ZNF420: variants seen among roughly 807,000 people sequenced by gnomAD.
ZNF420 encodes the protein zinc finger protein 420, also known as ATM and p53-associated KZNF protein.
ZNF420 carries 31 observed loss-of-function variants against 44.7 expected under a neutral mutation model. That is an observed-to-expected ratio of 0.69 (90% CI 0.52 to 0.94). ZNF420 has a LOEUF of 0.94. ZNF420 is among the 40% of genes least tolerant of loss of function. ZNF420 has a pLI of 0.00. For missense variants in ZNF420, 681 were observed against 827.9 expected (o/e 0.82, Z 2.18); for synonymous variants, 245 against 267.4 (o/e 0.92, Z 0.82).
intron 4 of ZNF420, among the ~76,000 whole-genome samples, chr19:37,125,231 A>G (rs909960645): frequency 2.6e-5 from 4 of 152,178 alleles, no homozygotes; most frequent in Non-Finnish European, 5.9e-5. Flanking sequence ...GAACTCTAGG[A>G]TGTGTTCTTC....
intron 1 of ZNF420, among the ~76,000 whole-genome samples, chr19:37,032,321 ACT>A (rs1011526324): frequency 4.0e-5 from 6 of 148,826 alleles, no homozygotes; most frequent in South Asian, 2.1e-4. Flanking sequence ...ACAGAGCAAG[ACT>A]CTGTTAAAAA....
intron 1 of ZNF420, among the ~76,000 whole-genome samples, chr19:37,018,845 C>T (rs1277922421): frequency 6.6e-6 from 1 of 152,186 alleles, no homozygotes; most frequent in South Asian, 2.1e-4. Context: ...GCTGGGATTA[C>T]AGGCACAAGT....
intron 1 of ZNF420, among the ~76,000 whole-genome samples, chr19:37,022,593 C>T (rs2074657664): frequency 6.6e-6 from 1 of 152,022 alleles, no homozygotes; most frequent in African/African-American, 2.4e-5. Flanking sequence ...ACTAACAATT[C>T]CACAGAAATG....
chr19:37,089,186 T>G, intron 3 of ZNF420, 59 bp downstream of exon 3: 1 of 1,448,690 alleles, frequency 6.9e-7, no homozygotes, highest in Non-Finnish European at 9.7e-7. Flanking sequence ...ATGTGTGTGT[T>G]TGTATTCCTT....
At chr19:37,031,969 C>T (rs1967266725) in intron 1 of ZNF420, among the ~76,000 whole-genome samples, 1 of 151,892 alleles carries the variant, frequency 6.6e-6, no homozygotes, top group Admixed American at 6.6e-5. Flanking sequence ...CTTTGGAAGG[C>T]CGAGGCAGGC....
intron 1 of ZNF420, among the ~76,000 whole-genome samples, chr19:37,013,684 G>T (rs975291285): frequency 6.6e-6 from 1 of 152,136 alleles, no homozygotes; most frequent in Non-Finnish European, 1.5e-5. Context: ...GGCACAGAAC[G>T]GTCCCACGGA....
At chr19:37,085,757 T>C (rs978637763) in intron 2 of ZNF420, among the ~76,000 whole-genome samples, 1 of 151,794 alleles carries the variant, frequency 6.6e-6, no homozygotes, top group African/African-American at 2.4e-5. Context: ...TTCTTCTCTT[T>C]TCTTTTTTTT....
intron 1 of ZNF420, among the ~76,000 whole-genome samples, chr19:37,072,884 G>A (rs1176196322): frequency 2.0e-5 from 3 of 151,692 alleles, no homozygotes; most frequent in Non-Finnish European, 4.4e-5. Context: ...CATTTAAAAG[G>A]TATATGCATT....
chr19:37,018,325 G>A (rs1402325430), intron 1 of ZNF420, among the ~76,000 whole-genome samples: 1 of 152,116 alleles, frequency 6.6e-6, no homozygotes, highest in East Asian at 1.9e-4. Flanking sequence ...AACCTCGTGG[G>A]ATTCCAAGTA....
At chr19:37,096,067 T>C (rs1969435945) in intron 4 of ZNF420, 1 of 152,252 alleles carries the variant, frequency 6.6e-6, no homozygotes. Flanking sequence ...CTCTGGCTTC[T>C]ATTGTTGCTC....
chr19:37,048,839 G>T (rs1383660433), intron 1 of ZNF420, among the ~76,000 whole-genome samples: 1 of 151,422 alleles, frequency 6.6e-6, no homozygotes, highest in African/African-American at 2.4e-5. Context: ...TTAACATTAG[G>T]TATATCTCCT....
At position 37,080,355 on chromosome 19, in the gene ZNF420, A is replaced by G. The variant is rs933332488; in HGVS notation, c.-114A>G. 1 of 152,632 alleles carries G rather than the reference A, an allele frequency of 6.6e-6. No individual in the cohort carries two copies. Among genetic ancestry groups the G allele is most frequent in the African/African-American group, 2.4e-5 (1 of 41,446 alleles). The allele number at this position is 152,632 out of a possible 1,614,324, so 9.5% of individuals were successfully genotyped here. A position where few individuals can be genotyped will look rare whatever the true frequency, so the allele number is the denominator to read the frequency against. ...TTTTTCTGAGAGTAGAGCCCAGAGG[A>G]GAAAGAATGGCTGTTTCAGTAGCAA... On this transcript the variant is annotated 5_prime_UTR_variant, in exon 2 of 5. Transcript: ENST00000337995.
At position 37,007,980 on chromosome 19, in the gene ZNF420, T is replaced by C. The variant is rs117524109; in HGVS notation, c.-227T>C. Reference sequence around the variant, plus strand: ...ACAGAACGACAGGACGTTCTCCGAATGCCAGGAGTCGCAGAGGGCAGAGCA... The same window carrying C: ...ACAGAACGACAGGACGTTCTCCGAACGCCAGGAGTCGCAGAGGGCAGAGCA... On this transcript the variant is annotated 5_prime_UTR_variant, in exon 1 of 5. Transcript: ENST00000587029. 989 of 168,722 alleles carry C rather than the reference T, an allele frequency of 5.9e-3. 31 individuals are homozygous for C. The highest frequency in any genetic ancestry group is 0.049 in the East Asian group (268 of 5,502). 10.5% of individuals were successfully genotyped at this position (168,722 alleles called of 1,614,324 possible).
intron 4 of ZNF420, among the ~76,000 whole-genome samples, chr19:37,116,570 C>T (rs931798334): frequency 4.6e-5 from 7 of 152,172 alleles, no homozygotes; most frequent in African/African-American, 1.4e-4. Flanking sequence ...TCTGAGGTAC[C>T]GGGTTCATCT....
chr19:37,097,856 C>G (rs1393784089), intron 4 of ZNF420, among the ~76,000 whole-genome samples: 1 of 152,058 alleles, frequency 6.6e-6, no homozygotes, highest in African/African-American at 2.4e-5. Flanking sequence ...CTTCGTTTTC[C>G]TAAGGTCATT....
In ZNF420 at chr19:37,058,373, G is replaced by A. The variant is rs1006328916; in HGVS notation, c.-124-21972G>A. Reference sequence around the variant, plus strand: ...CCTTGGCGTCTAGGAAAGGCCGTGCGGCATTTCCTCTGCACTTCCTGTCTT... The same window carrying A: ...CCTTGGCGTCTAGGAAAGGCCGTGCAGCATTTCCTCTGCACTTCCTGTCTT... On this transcript the variant is annotated intron_variant, in intron 1 of 4. Transcript: ENST00000587029. Among the ~76,000 whole-genome samples, 4 of 152,010 alleles carry A rather than the reference G, an allele frequency of 2.6e-5. No individual in the cohort carries two copies. The East Asian group carries it at 5.8e-4, about 22-fold the overall frequency.
chr19:37,090,965 C>A, intron 3 of ZNF420, 30 bp from the exon 4 acceptor site: 2 of 1,584,916 alleles, frequency 1.3e-6, no homozygotes, highest in South Asian at 1.2e-5. Context: ...TTTTAAATTT[C>A]CAAAATTAAC....
intron 1 of ZNF420, among the ~76,000 whole-genome samples, chr19:37,011,941 G>A (rs2074572545): frequency 6.6e-6 from 1 of 152,206 alleles, no homozygotes. Context: ...GGGCGAGGGA[G>A]GCAGAGGGCT....
At chr19:37,021,142 G>A (rs2074645499) in intron 1 of ZNF420, among the ~76,000 whole-genome samples, 1 of 152,200 alleles carries the variant, frequency 6.6e-6, no homozygotes, top group Admixed American at 6.5e-5. Context: ...TTCTGAAAAG[G>A]TCAAGAGTGC....
Sources: gnomAD v4.1 joint callset for allele counts (sites outside exome capture counted in the v4.1 genomes callset) on GRCh38, gnomAD v4.1.1 for gene constraint, MANE v1.5 for transcripts, NCBI Gene and HGNC (gene_info 2026-07-23, HGNC 2026-07-21) for gene names.